The following PCSK1 variants were observed in gnomAD, a reference collection of about 807,000 sequenced individuals.
PCSK1 encodes neuroendocrine convertase 1.
Under a neutral mutation model 90.6 loss-of-function variants are expected in PCSK1, and 56 were observed. The observed-to-expected ratio is 0.62, with a 90% confidence interval of 0.50 to 0.77. PCSK1 has a LOEUF of 0.77. Ranked by LOEUF, PCSK1 falls within the 30% of genes least tolerant of loss-of-function variation. The pLI is 0.00. For synonymous variants in PCSK1, 348 were observed against 342.4 expected (o/e 1.02, Z -0.18); for missense variants, 801 against 932.6 (o/e 0.86, Z 1.84).
At chr5:96,418,149 T>C (rs1760992451) in intron 5 of PCSK1, among the ~76,000 whole-genome samples, 1 of 152,218 alleles carries the variant, frequency 6.6e-6, no homozygotes, top group South Asian at 2.1e-4. Flanking sequence ...ATGGTACAAA[T>C]ATGCATTGAC....
Position 96,422,039 on chromosome 5 carries a change from T to C in PCSK1, c.544-83A>G, listed in dbSNP as rs569880082. The C allele has an allele frequency of 1.8e-5, 14 of 788,308 alleles. No individual in the cohort carries two copies. In the African/African-American group the frequency reaches 2.3e-4, roughly 13 times the overall value. 48.8% of individuals were successfully genotyped at this position (788,308 alleles called of 1,614,324 possible). A position where few individuals can be genotyped will look rare whatever the true frequency, so the allele number is the denominator to read the frequency against. The stretch of plus-strand genomic sequence containing the variant: ...AAAAAAGCATCACTTCCCAAGCCTC[T>C]TACCCTATGCCTTCCCATCCTGGCT... On this transcript the variant is annotated intron_variant, in intron 4 of 13. Coordinates refer to ENST00000311106, the MANE Select transcript of PCSK1 (RefSeq NM_000439.5).
intron 6 of PCSK1, among the ~76,000 whole-genome samples, chr5:96,413,963 C>CAAAAAAAA (rs61316405): frequency 4.5e-5 from 1 of 22,436 alleles, no homozygotes; most frequent in Non-Finnish European, 1.3e-4. Context: ...ACTAAAAATA[C>CAAAAAAAA]AAAAAAAAAA....
chr5:96,426,119 A>T (rs935697354), intron 2 of PCSK1, among the ~76,000 whole-genome samples, 189 bp from the exon 3 acceptor site: 1 of 152,170 alleles, frequency 6.6e-6, no homozygotes. Flanking sequence ...TATTTCCTCT[A>T]TTACAGTAAA....
chr5:96,399,057 G>A (rs374505751), intron 10 of PCSK1, 21 bp from the exon 11 acceptor site: 1 of 1,575,196 alleles, frequency 6.3e-7, no homozygotes, highest in Non-Finnish European at 8.7e-7. Flanking sequence ...TAAAGAATCA[G>A]CATTGAATAA....
intron 9 of PCSK1, among the ~76,000 whole-genome samples, chr5:96,406,729 A>T (rs920962216): frequency 6.6e-6 from 1 of 152,258 alleles, no homozygotes; most frequent in African/African-American, 2.4e-5. Context: ...TGAATATGAC[A>T]TAAGGACACT....
chr5:96,396,220 T>C (rs1350037932), intron 12 of PCSK1, among the ~76,000 whole-genome samples: 1 of 152,192 alleles, frequency 6.6e-6, no homozygotes, highest in Non-Finnish European at 1.5e-5. Flanking sequence ...ATAGAATTTG[T>C]ATTAATTTAA....
Position 96,394,984 on chromosome 5 carries a change from C to T in PCSK1, c.1764G>A (p.Lys588=), listed in dbSNP as rs538803955. 7.1e-5 allele frequency: 114 copies of T among 1,613,902 alleles called. No individual in the cohort carries two copies. Among genetic ancestry groups the T allele is most frequent in the Non-Finnish European group, 9.5e-5 (112 of 1,179,876 alleles). ...GAGAAGAGGTCCCGTGCAAAATCAG[C>T]TTCCAGTTCACAATTCTTCCTTCAT... ...IQNEGRIVNW[K]LILHGTSSQP... Residue 588 remains lysine, a synonymous_variant, in exon 13 of 14, where the codon AAG becomes AAA. Transcript: ENST00000311106.
Position 96,412,752 on chromosome 5 carries a change from G to GTTTTTTTGTTTTTT in PCSK1, c.710-263_710-262insAAAAAACAAAAAAA, listed in dbSNP as rs1760802563. Among the ~76,000 whole-genome samples the GTTTTTTTGTTTTTT allele has an allele frequency of 5.6e-5, 4 of 71,806 alleles. 1 individual carries two copies. Among genetic ancestry groups the GTTTTTTTGTTTTTT allele is most frequent in the African/African-American group, 2.7e-4 (3 of 11,126 alleles). The allele number at this position is 71,806 out of a possible 152,430, so 47.1% of individuals were successfully genotyped here. Reference sequence around the variant, plus strand: ...CATGCACTGTGTAGGCAGCTGTGATGTTTTTTTTTTTTTTTTTTTTTTTGG... The same window carrying GTTTTTTTGTTTTTT: ...CATGCACTGTGTAGGCAGCTGTGATGTTTTTTTGTTTTTTTTTTTTTTTTTTTTTTTTTTTTTGG... On this transcript the variant is annotated intron_variant, in intron 6 of 13. Transcript: ENST00000311106.
At chr5:96,401,968 G>A (rs1449475465) in intron 9 of PCSK1, among the ~76,000 whole-genome samples, 1 of 152,074 alleles carries the variant, frequency 6.6e-6, no homozygotes, top group African/African-American at 2.4e-5. Flanking sequence ...ACTTTTCCTC[G>A]ACTTTGAGAC....
Position 96,433,128 on chromosome 5 carries a change from C to A in PCSK1, c.-86G>T. ...GAAAAGCCAGACAGACTCCCCCTTC[C>A]CACCCTCGGGCTCTAGACCACTCCT... On this transcript the variant is annotated 5_prime_UTR_variant, in exon 1 of 14. Transcript: ENST00000311106. The A allele has an allele frequency of 7.7e-7, 1 of 1,292,474 alleles. No homozygotes were observed. Among genetic ancestry groups the A allele is most frequent in the Non-Finnish European group, 1.1e-6 (1 of 891,738 alleles). The allele number at this position is 1,292,474 out of a possible 1,614,324, so 80.1% of individuals were successfully genotyped here. A position where few individuals can be genotyped will look rare whatever the true frequency, so the allele number is the denominator to read the frequency against.
At position 96,412,752 on chromosome 5, in the gene PCSK1, G is replaced by GTTTTTTTTTTTTTTTTTTTTTT. The variant is rs57397343; in HGVS notation, c.710-284_710-263dup. 5.7e-4 allele frequency among the ~76,000 whole-genome samples: 41 copies of GTTTTTTTTTTTTTTTTTTTTTT among 71,804 alleles called. 11 individuals carry two copies. The highest frequency in any genetic ancestry group is 3.6e-3 in the African/African-American group (40 of 11,124). 47.1% of individuals were successfully genotyped at this position (71,804 alleles called of 152,430 possible). A position where few individuals can be genotyped will look rare whatever the true frequency, so the allele number is the denominator to read the frequency against. ...CATGCACTGTGTAGGCAGCTGTGAT[G>GTTTTTTTTTTTTTTTTTTTTTT]TTTTTTTTTTTTTTTTTTTTTTTGG... is the stretch of plus-strand genomic sequence containing the variant. On this transcript the variant is annotated intron_variant, in intron 6 of 13. Coordinates refer to ENST00000311106, the MANE Select transcript of PCSK1 (RefSeq NM_000439.5).
intron 11 of PCSK1, 41 bp from the exon 12 acceptor site, chr5:96,397,510 T>C (rs752147178): frequency 2.3e-5 from 36 of 1,534,512 alleles, no homozygotes; most frequent in Non-Finnish European, 3.0e-5. Context: ...CTAATAGCTC[T>C]GATAGTAGGA....
At chr5:96,408,899 C>T (rs1030573835) in intron 8 of PCSK1, among the ~76,000 whole-genome samples, 1 of 152,176 alleles carries the variant, frequency 6.6e-6, no homozygotes, top group Middle Eastern at 3.2e-3. Flanking sequence ...TTGAGGAAAA[C>T]GATGGGTCTT....
At position 96,408,207 on chromosome 5, in the gene PCSK1, G is replaced by A; in HGVS notation, c.1196+16C>T. On this transcript the variant is annotated intron_variant, in intron 9 of 13. Transcript: ENST00000311106. ...TCAGCCTTTGTAAAGGTGATTAGAAGCTTTCTGGGCCTTACTTTGCTTCCA... is the reference window on the plus strand; with the variant it reads ...TCAGCCTTTGTAAAGGTGATTAGAAACTTTCTGGGCCTTACTTTGCTTCCA... The A allele has an allele frequency of 6.3e-7, 1 of 1,587,300 alleles. No homozygotes were observed. Among genetic ancestry groups the A allele is most frequent in the Non-Finnish European group, 8.7e-7 (1 of 1,155,826 alleles).
chr5:96,394,902 C>G lies in PCSK1; in HGVS notation c.1846G>C (p.Asp616His), dbSNP rs755723763. 8.7e-6 allele frequency: 14 copies of G among 1,614,162 alleles called. No homozygotes were observed. The South Asian group carries it at 1.5e-4, about 18-fold the overall frequency. The change falls in exon 13 of 14, where the codon GAC (aspartate) becomes CAC (histidine). Residue 616 changes from aspartate to histidine, a missense_variant. Asp to His is a moderately conservative substitution (Grantham distance 81, BLOSUM62 -1). Coordinates refer to ENST00000311106, the MANE Select transcript of PCSK1 (RefSeq NM_000439.5). ...ACCATCTTCTCCACCCCTCTTCTGT[C>G]ATTCTGAACAGTGTTGTAGGACGTG... ...VYTSYNTVQN[D>H]RRGVEKMVDP...
chr5:96,409,088 T>G (rs1403118892), intron 8 of PCSK1, among the ~76,000 whole-genome samples: 1 of 152,218 alleles, frequency 6.6e-6, no homozygotes, highest in African/African-American at 2.4e-5. Context: ...CATAATTTTC[T>G]TGCAAGTAAG....
intron 6 of PCSK1, among the ~76,000 whole-genome samples, chr5:96,414,063 C>T (rs1465146229): frequency 5.4e-5 from 8 of 147,728 alleles, no homozygotes; most frequent in East Asian, 2.0e-4. Flanking sequence ...GGCATGAACC[C>T]GGGAGGCGGA....
At chr5:96,432,045 A>G in intron 1 of PCSK1, 1 of 1,444,478 alleles carries the variant, frequency 6.9e-7, no homozygotes, top group Non-Finnish European at 9.4e-7. Context: ...TTGGACAGGC[A>G]ACAATAAGCT....
At position 96,427,400 on chromosome 5, in the gene PCSK1, A is replaced by C. The variant is rs1761343436; in HGVS notation, c.286-1470T>G. Among the ~76,000 whole-genome samples the C allele has an allele frequency of 2.6e-5, 4 of 152,208 alleles. 1 individual carries two copies. The South Asian group carries it at 8.3e-4, about 32-fold the overall frequency. On this transcript the variant is annotated intron_variant, in intron 2 of 13. Transcript: ENST00000311106. ...CTATTATGCATTATAGGTATCATGT[A>C]CTTAATTATAAATAATACTTTTGAT... is the stretch of plus-strand genomic sequence containing the variant.
Sources: gnomAD v4.1 joint callset for allele counts (sites outside exome capture counted in the v4.1 genomes callset) on GRCh38, gnomAD v4.1.1 for gene constraint, MANE v1.5 for transcripts, NCBI Gene and HGNC (gene_info 2026-07-23, HGNC 2026-07-21) for gene names.